MEIS1: variants seen among roughly 807,000 people sequenced by gnomAD.
The protein encoded by MEIS1 is homeobox protein Meis1.
In MEIS1, 5 loss-of-function variants were observed where a neutral mutation model predicts 50.8. The ratio of observed to expected loss-of-function variants is 0.10; its 90% confidence interval spans 0.05 to 0.21. The LOEUF (loss-of-function observed/expected upper bound fraction) is 0.21, where lower values mean the gene tolerates loss of function less well. Among genes scored for constraint, MEIS1 ranks in the 10% least tolerant of loss-of-function variants. The pLI, the probability that MEIS1 is intolerant of heterozygous loss-of-function variation, is 1.00. For synonymous variants in MEIS1, 176 were observed against 179.3 expected, an observed-to-expected ratio of 0.98 and a Z score of 0.15; for missense variants, 318 against 517.3, an observed-to-expected ratio of 0.61 and a Z score of 3.74.
chr2:66,502,125 A>G (rs1454093914), intron 7 of MEIS1, among the ~76,000 whole-genome samples: 2 of 152,248 alleles, frequency 1.3e-5, no homozygotes, highest in African/African-American at 2.4e-5. Flanking sequence ...GTTTATATAC[A>G]TACAGCCTAG....
chr2:66,494,780 G>A (rs1186773681), intron 7 of MEIS1, among the ~76,000 whole-genome samples: 4 of 152,048 alleles, frequency 2.6e-5, no homozygotes, highest in African/African-American at 9.7e-5. Flanking sequence ...TCACCATCAC[G>A]TCTTTGTGGG....
chr2:66,555,078 G>A (rs960182818), intron 9 of MEIS1, among the ~76,000 whole-genome samples: 2 of 152,168 alleles, frequency 1.3e-5, no homozygotes, highest in African/African-American at 4.8e-5. Context: ...TTTTTCTCCA[G>A]TAATTTTGAA....
In MEIS1 at chr2:66,439,947, A is replaced by C; in HGVS notation, c.344A>C (p.Glu115Ala). The change falls in exon 3 of 13, where the codon GAG (glutamate) becomes GCG (alanine). Residue 115 changes from glutamate to alanine, a missense_variant. By Grantham distance (107) the Glu-to-Ala change is moderately radical (BLOSUM62 -1). Coordinates refer to ENST00000272369, the MANE Select transcript of MEIS1 (RefSeq NM_002398.3). ...GCGGGCGGGGACGTCTGCTCGTCAG[A>C]GTCATTCAATGAAGATATAGCCGTG... Reference protein sequence around the residue: ...GVAGGDVCSSESFNEDIAVFA... With the variant: ...GVAGGDVCSSASFNEDIAVFA... 6 of 1,613,100 alleles carry C rather than the reference A, an allele frequency of 3.7e-6. No homozygotes were observed. Among genetic ancestry groups the C allele is most frequent in the Non-Finnish European group, 3.4e-6 (4 of 1,179,548 alleles).
chr2:66,463,007 G>C (rs1320063844), intron 6 of MEIS1, among the ~76,000 whole-genome samples: 1 of 151,910 alleles, frequency 6.6e-6, no homozygotes, highest in Admixed American at 6.6e-5. Context: ...CTCCCTGGGT[G>C]TCTGAGACAT....
At position 66,564,724 on chromosome 2, in the gene MEIS1, T is replaced by G. The variant is rs534726085; in HGVS notation, c.966-2729T>G. Among the ~76,000 whole-genome samples the G allele has an allele frequency of 3.3e-3, 499 of 152,166 alleles. 1 individual carries two copies. Among genetic ancestry groups the G allele is most frequent in the Middle Eastern group, 0.024 (7 of 294 alleles). On this transcript the variant is annotated intron_variant, in intron 9 of 12. Transcript: ENST00000272369. Reference sequence around the variant, plus strand: ...AGGTTGGGTGCAAAAGTAATTGTTTTTTTTTTTTTTAATTATACTTTAAGT... The same window carrying G: ...AGGTTGGGTGCAAAAGTAATTGTTTGTTTTTTTTTTAATTATACTTTAAGT...
At chr2:66,496,854 A>T (rs1673417528) in intron 7 of MEIS1, among the ~76,000 whole-genome samples, 1 of 152,030 alleles carries the variant, frequency 6.6e-6, no homozygotes, top group Non-Finnish European at 1.5e-5. Flanking sequence ...TTTTGACTTT[A>T]CAAAGCATTG....
chr2:66,479,911 G>A (rs1450137352), intron 7 of MEIS1, among the ~76,000 whole-genome samples: 1 of 152,078 alleles, frequency 6.6e-6, no homozygotes, highest in Non-Finnish European at 1.5e-5. Context: ...GAGGAGAGGT[G>A]CTTTGGCTCA....
In MEIS1 at chr2:66,464,120, C is replaced by A. The variant is rs1192841308; in HGVS notation, c.642C>A (p.Asn214Lys). The part of the protein sequence containing the change: ...SANLTDQPSW[N>K]RDHDDTASTR... ...TTGTGCCCCCACAGCCCTCTTGGAA[C>A]AGAGATCATGATGACACGGCATCTA... The change falls in exon 7 of 13, where the codon AAC (asparagine) becomes AAA (lysine). Residue 214 changes from asparagine (N) to lysine (K), a missense_variant. By Grantham distance (94) the Asn-to-Lys change is moderately conservative. This residue lies in a region of MEIS1 where 48 missense variants were observed against 50.9 expected (regional missense o/e 0.94). Coordinates refer to ENST00000272369, the MANE Select transcript of MEIS1 (RefSeq NM_002398.3). 1 of 1,598,536 alleles carries A rather than the reference C, an allele frequency of 6.3e-7. No homozygotes were observed. The highest frequency in any genetic ancestry group is 1.7e-5 in the Admixed American group (1 of 57,958).
At chr2:66,436,106 T>G (rs1671790332) in intron 1 of MEIS1, among the ~76,000 whole-genome samples, 2 of 152,040 alleles carry the variant, frequency 1.3e-5, no homozygotes, top group Non-Finnish European at 2.9e-5. Flanking sequence ...GCTATATAAA[T>G]AAAAATGCAA....
At chr2:66,483,090 G>A (rs1312340801) in intron 7 of MEIS1, among the ~76,000 whole-genome samples, 2 of 152,054 alleles carry the variant, frequency 1.3e-5, no homozygotes, top group African/African-American at 4.8e-5. Flanking sequence ...ACCTGGCAAT[G>A]GTAAGCATTA....
chr2:66,498,421 C>A (rs1354527521), intron 7 of MEIS1, among the ~76,000 whole-genome samples: 6 of 152,004 alleles, frequency 3.9e-5, no homozygotes, highest in African/African-American at 1.5e-4. Flanking sequence ...TGAGCCCAGA[C>A]AAAGAACCCA....
intron 12 of MEIS1, chr2:66,569,752 C>G (rs1048470276): frequency 6.5e-6 from 1 of 152,694 alleles, no homozygotes; most frequent in Middle Eastern, 3.2e-3. Flanking sequence ...GTGTGCACAG[C>G]AGGCTGCGGG....
intron 3 of MEIS1, 26 bp from the exon 4 acceptor site, chr2:66,440,536 C>T (rs1305869594): frequency 6.2e-7 from 1 of 1,602,566 alleles, no homozygotes; most frequent in African/African-American, 1.3e-5. Context: ...CCCTCCCTCT[C>T]CCCTCTCCTT....
At chr2:66,549,049 C>A (rs1674856175) in intron 9 of MEIS1, among the ~76,000 whole-genome samples, 1 of 152,134 alleles carries the variant, frequency 6.6e-6, no homozygotes, top group Non-Finnish European at 1.5e-5. Context: ...CATTAACAGA[C>A]CCTTCTCTGT....
intron 7 of MEIS1, among the ~76,000 whole-genome samples, chr2:66,476,239 C>T (rs1672889402): frequency 6.6e-6 from 1 of 152,180 alleles, no homozygotes; most frequent in Admixed American, 6.5e-5. Flanking sequence ...GGGAATATGA[C>T]TTCAGCCTAT....
chr2:66,465,740 C>A (rs377229696), intron 7 of MEIS1, among the ~76,000 whole-genome samples: 2 of 152,288 alleles, frequency 1.3e-5, no homozygotes, highest in South Asian at 2.1e-4. Flanking sequence ...GGCTTGCAAA[C>A]TGCTGAAATG....
chr2:66,560,162 T>G, intron 9 of MEIS1, among the ~76,000 whole-genome samples: 1 of 151,708 alleles, frequency 6.6e-6, no homozygotes, highest in Non-Finnish European at 1.5e-5. Context: ...CAAGGAAAAT[T>G]TTCTGTAATA....
chr2:66,523,088 T>C (rs1375450079), intron 8 of MEIS1, among the ~76,000 whole-genome samples: 1 of 152,342 alleles, frequency 6.6e-6, no homozygotes, highest in African/African-American at 2.4e-5. Flanking sequence ...AATTCGTTTT[T>C]ACACTGTAAA....
chr2:66,565,576 A>T (rs1448313118), intron 9 of MEIS1, among the ~76,000 whole-genome samples: 1 of 152,182 alleles, frequency 6.6e-6, no homozygotes, highest in Non-Finnish European at 1.5e-5. Flanking sequence ...AATTATTAAC[A>T]TCTCTTTGGT....
Sources: gnomAD v4.1 joint callset for allele counts (sites outside exome capture counted in the v4.1 genomes callset) on GRCh38, gnomAD v4.1.1 for gene constraint, gnomAD v4.1.1 regional missense constraint, MANE v1.5 for transcripts, NCBI Gene and HGNC (gene_info 2026-07-23, HGNC 2026-07-21) for gene names.